The following CNTN5 variants were observed in gnomAD, a reference collection of about 807,000 sequenced individuals.
CNTN5 encodes contactin-5.
Under a neutral mutation model 129.1 loss-of-function variants are expected in CNTN5, and 77 were observed. That is an observed-to-expected ratio of 0.60 (90% CI 0.50 to 0.72). The LOEUF (loss-of-function observed/expected upper bound fraction) is 0.72. Ranked by LOEUF, CNTN5 falls within the 30% of genes least tolerant of loss-of-function variation. The probability of loss-of-function intolerance (pLI) is 0.00; values close to 1 mark genes in which losing one functional copy is unlikely to be tolerated. For synonymous variants in CNTN5, 509 were observed against 465.6 expected, an observed-to-expected ratio of 1.09 and a Z score of -1.20; for missense variants, 1,478 against 1,328.8, an observed-to-expected ratio of 1.11 and a Z score of -1.75.
chr11:100,086,301 A>G (rs1158239070), intron 13 of CNTN5, among the ~76,000 whole-genome samples: 2 of 150,802 alleles, frequency 1.3e-5, no homozygotes, highest in Admixed American at 6.6e-5. Context: ...TATAAAATAT[A>G]TAAATAAATA....
intron 6 of CNTN5, among the ~76,000 whole-genome samples, chr11:99,887,704 C>A (rs1375411231): frequency 6.6e-6 from 1 of 152,222 alleles, no homozygotes; most frequent in African/African-American, 2.4e-5. Context: ...GGTGTAAGTA[C>A]ACGAGTCGAA....
At chr11:99,590,685 G>C (rs544421369) in intron 3 of CNTN5, among the ~76,000 whole-genome samples, 27 of 152,268 alleles carry the variant, frequency 1.8e-4, no homozygotes, top group African/African-American at 6.0e-4. Context: ...GCTATGGCAG[G>C]AAAGAGTTTA....
chr11:99,671,904 A>G (rs1953061375), intron 3 of CNTN5, among the ~76,000 whole-genome samples: 2 of 152,054 alleles, frequency 1.3e-5, no homozygotes, highest in African/African-American at 4.8e-5. Context: ...TAATTCACAC[A>G]CTCACATAAA....
rs531465836 is a variant in CNTN5 at position 100,176,493 on chromosome 11, CTCTTG to C, written c.1581-14629_1581-14625del. ...AACTATAGTGCTTAATGGACAAGTGCTCTTGTCTATTAAGGAAAAATGTAACAAAT... is the reference window on the plus strand; with the variant it reads ...AACTATAGTGCTTAATGGACAAGTGCTCTATTAAGGAAAAATGTAACAAAT... On this transcript the variant is annotated intron_variant, in intron 13 of 24. Coordinates refer to ENST00000524871, the MANE Select transcript of CNTN5 (RefSeq NM_014361.4). 3.1e-3 allele frequency among the ~76,000 whole-genome samples: 465 copies of C among 152,064 alleles called. 8 individuals are homozygous for C. The highest frequency in any genetic ancestry group is 1.3e-3 in the Non-Finnish European group (88 of 67,982).
At chr11:99,199,990 A>G (rs4754593) in intron 1 of CNTN5, among the ~76,000 whole-genome samples, 40,859 of 151,956 alleles carry the variant, frequency 0.27, 5,706 homozygotes, top group East Asian at 0.46. Flanking sequence ...CATCATCATC[A>G]TCATCAGTGA....
At chr11:99,678,310 A>C (rs1275320128) in intron 3 of CNTN5, among the ~76,000 whole-genome samples, 1 of 151,970 alleles carries the variant, frequency 6.6e-6, no homozygotes, top group Non-Finnish European at 1.5e-5. Flanking sequence ...ACTAGGCAAA[A>C]AATGTTACAA....
intron 4 of CNTN5, among the ~76,000 whole-genome samples, chr11:99,831,761 T>C (rs1947147861): frequency 1.3e-5 from 2 of 152,158 alleles, no homozygotes; most frequent in South Asian, 4.1e-4. Flanking sequence ...TGTTGTTGCA[T>C]AGAATAAGAG....
intron 10 of CNTN5, among the ~76,000 whole-genome samples, chr11:100,069,717 A>G (rs1410394347): frequency 6.6e-6 from 1 of 152,136 alleles, no homozygotes; most frequent in Non-Finnish European, 1.5e-5. Flanking sequence ...TCAGTGCAAT[A>G]TTTTTATACG....
chr11:99,769,749 A>T (rs1044774662), intron 3 of CNTN5, among the ~76,000 whole-genome samples: 1 of 150,146 alleles, frequency 6.7e-6, no homozygotes, highest in Non-Finnish European at 1.5e-5. Flanking sequence ...AGGAGGCAGA[A>T]GTTGCGCTGA....
intron 13 of CNTN5, among the ~76,000 whole-genome samples, chr11:100,158,798 A>C (rs1349924105): frequency 6.6e-6 from 1 of 151,876 alleles, no homozygotes; most frequent in African/African-American, 2.4e-5. Flanking sequence ...AAGGATATGA[A>C]TACCCAAGAA....
At chr11:99,359,711 A>G (rs1352751164) in intron 2 of CNTN5, among the ~76,000 whole-genome samples, 2 of 152,068 alleles carry the variant, frequency 1.3e-5, no homozygotes, top group African/African-American at 4.8e-5. Context: ...TCAGATATGC[A>G]TGAGTCTCAA....
At chr11:99,288,334 G>A (rs1864028971) in intron 1 of CNTN5, among the ~76,000 whole-genome samples, 1 of 151,982 alleles carries the variant, frequency 6.6e-6, no homozygotes, top group African/African-American at 2.4e-5. Context: ...TCTGCAAGAA[G>A]TTTTCTAGAA....
At chr11:99,954,816 T>C (rs1305733049) in intron 7 of CNTN5, among the ~76,000 whole-genome samples, 1 of 152,176 alleles carries the variant, frequency 6.6e-6, no homozygotes. Flanking sequence ...TTCTACTTTT[T>C]ATACTTCTTG....
chr11:99,461,941 T>C (rs1944715469), intron 2 of CNTN5, among the ~76,000 whole-genome samples: 1 of 152,198 alleles, frequency 6.6e-6, no homozygotes, highest in Admixed American at 6.5e-5. Context: ...CATTTTTAAA[T>C]TGATGCCTAA....
rs149392168 is a variant in CNTN5 at position 99,985,822 on chromosome 11, A to G, written c.878-16212A>G. Among the ~76,000 whole-genome samples the G allele has an allele frequency of 8.8e-4, 134 of 152,236 alleles. 1 individual carries two copies. The highest frequency in any genetic ancestry group is 3.0e-3 in the African/African-American group (125 of 41,542). On this transcript the variant is annotated intron_variant, in intron 8 of 24. Coordinates refer to ENST00000524871, the MANE Select transcript of CNTN5 (RefSeq NM_014361.4). ...CTTCCTCATTTATTTTATTCAGTCA[A>G]TGTCTTGGTGATAACCATATATACA... is the stretch of plus-strand genomic sequence containing the variant.
intron 3 of CNTN5, among the ~76,000 whole-genome samples, chr11:99,731,866 C>A (rs2135102241): frequency 6.6e-6 from 1 of 152,268 alleles, no homozygotes; most frequent in African/African-American, 2.4e-5. Context: ...AAGTATAGCA[C>A]AAGGCTAGCC....
intron 23 of CNTN5, among the ~76,000 whole-genome samples, chr11:100,350,245 A>G (rs1184508627): frequency 6.6e-6 from 1 of 151,710 alleles, no homozygotes; most frequent in African/African-American, 2.4e-5. Context: ...AGGATATTTC[A>G]ATAACCAAGC....
intron 8 of CNTN5, among the ~76,000 whole-genome samples, chr11:99,988,009 A>C (rs1704392785): frequency 6.6e-6 from 1 of 152,330 alleles, no homozygotes; most frequent in Non-Finnish European, 1.5e-5. Flanking sequence ...TAGAGTCTTT[A>C]ATGCACAAAA....
intron 2 of CNTN5, among the ~76,000 whole-genome samples, chr11:99,378,826 T>C (rs1025959292): frequency 4.6e-5 from 7 of 152,232 alleles, no homozygotes; most frequent in Middle Eastern, 3.4e-3. Flanking sequence ...CAAGAACATA[T>C]ACAAACAGTA....
Sources: gnomAD v4.1 joint callset for allele counts (sites outside exome capture counted in the v4.1 genomes callset) on GRCh38, gnomAD v4.1.1 for gene constraint, MANE v1.5 for transcripts, NCBI Gene and HGNC (gene_info 2026-07-23, HGNC 2026-07-21) for gene names.